The following PAN2 variants were observed in gnomAD, a reference collection of about 807,000 sequenced individuals.
The protein encoded by PAN2 is poly(A) specific ribonuclease subunit PAN2, also known as PAN2-PAN3 deadenylation complex catalytic subunit PAN2.
Under a neutral mutation model 133.3 loss-of-function variants are expected in PAN2, and 68 were observed. That is an observed-to-expected ratio of 0.51 (90% confidence interval 0.42 to 0.62). The LOEUF (loss-of-function observed/expected upper bound fraction) is 0.62, where lower values mean the gene tolerates loss of function less well. Ranked by LOEUF, PAN2 falls within the 20% of genes least tolerant of loss-of-function variation. The pLI is 0.00. For synonymous variants in PAN2, 462 were observed against 544.6 expected (o/e 0.85, Z 2.11); for missense variants, 1,042 against 1,500.5 (o/e 0.69, Z 5.05).
At chr12:56,330,353 CTT>C (rs10525866) in intron 2 of PAN2, among the ~76,000 whole-genome samples, 4 of 92,646 alleles carry the variant, frequency 4.3e-5, no homozygotes, top group Non-Finnish European at 5.8e-5. Context: ...CTGTATTTTT[CTT>C]TTTTTTTTTT....
chr12:56,321,717 G>C (rs1260361531), intron 20 of PAN2, among the ~76,000 whole-genome samples: 1 of 151,456 alleles, frequency 6.6e-6, no homozygotes, highest in African/African-American at 2.4e-5. Flanking sequence ...CGGGTGTGGT[G>C]GTGGGCGTCT....
chr12:56,323,939 C>T (rs772207179), intron 13 of PAN2, 26 bp from the exon 14 acceptor site: 14 of 1,604,384 alleles, frequency 8.7e-6, no homozygotes, highest in Non-Finnish European at 1.1e-5. Flanking sequence ...ATGCTATACT[C>T]CTGGTTCTCC....
chr12:56,325,207 G>C (rs1874977993), intron 9 of PAN2, 79 bp from the exon 10 acceptor site: 2 of 1,583,030 alleles, frequency 1.3e-6, no homozygotes, highest in Admixed American at 1.7e-5. Context: ...GCCTTTCCTA[G>C]AGCCTTCCTC....
At chr12:56,321,808 G>A (rs928022922) in intron 20 of PAN2, among the ~76,000 whole-genome samples, 2 of 150,254 alleles carry the variant, frequency 1.3e-5, no homozygotes, top group African/African-American at 4.9e-5. Flanking sequence ...CCGAGATTGC[G>A]CAATTGCACT....
At position 56,319,002 on chromosome 12, in the gene PAN2, T is replaced by G. The variant is rs1212167117; in HGVS notation, c.3364+86A>C. ...ATGATGGCCCACAGCTCCATCCATG[T>G]TGCCGCAAAGAACATGATTTCTTTT... is the stretch of plus-strand genomic sequence containing the variant. On this transcript the variant is annotated intron_variant, in intron 24 of 25. Coordinates refer to ENST00000440411, the MANE Select transcript of PAN2 (RefSeq NM_014871.6). The surrounding 1 kb of genome is among the most constrained non-coding windows in gnomAD (Gnocchi z 5.4). 1.1e-5 allele frequency: 14 copies of G among 1,300,270 alleles called. No homozygotes were observed. 80.5% of individuals were successfully genotyped at this position (1,300,270 alleles called of 1,614,324 possible).
rs185741202 is a variant in PAN2, at chr12:56,325,339, C to T, written c.1475G>A (p.Arg492His). The change falls in exon 9 of 26, where the codon CGC becomes CAC. Residue 492 changes from arginine (R) to histidine (H), a missense_variant. Coordinates refer to ENST00000440411, the MANE Select transcript of PAN2 (RefSeq NM_014871.6). ...GGCCCTGATGTCCCCCAGCACCTTG[C>T]GGTATTTCTTAGAAACCATGTGGAG... is the stretch of plus-strand genomic sequence containing the variant. ...PHLHMVSKKY[R>H]KVTIKYSKLG... 27 of 1,614,024 alleles carry T rather than the reference C, an allele frequency of 1.7e-5. No individual in the cohort carries two copies. The highest frequency in any genetic ancestry group is 4.5e-5 in the East Asian group (2 of 44,896).
intron 17 of PAN2, 49 bp from the exon 18 acceptor site, chr12:56,322,807 G>A (rs767865291): frequency 6.9e-6 from 11 of 1,585,986 alleles, no homozygotes; most frequent in Non-Finnish European, 9.4e-6. Context: ...GGATGGGGAA[G>A]GGAGGGGAAT....
At position 56,319,237 on chromosome 12, in the gene PAN2, C is replaced by T. The variant is rs985138362; in HGVS notation, c.3271-56G>A. 3.7e-6 allele frequency: 6 copies of T among 1,613,682 alleles called. No individual in the cohort carries two copies. In the African/African-American group the frequency reaches 8.0e-5, roughly 22 times the overall value. On this transcript the variant is annotated intron_variant, in intron 23 of 25. Coordinates refer to ENST00000440411, the MANE Select transcript of PAN2 (RefSeq NM_014871.6). The surrounding 1 kb of genome is among the most constrained non-coding windows in gnomAD (Gnocchi z 5.4). ...GGTAGGGGACCTATAATTCCCCATT[C>T]TCTAAAGGCACAATGTATACCCTGA...
At chr12:56,322,210 C>A in intron 19 of PAN2, 42 bp from the exon 20 acceptor site, 1 of 1,295,002 alleles carries the variant, frequency 7.7e-7, no homozygotes, top group Non-Finnish European at 1.1e-6. Context: ...GTATATCACC[C>A]TTTTCCTTTT....
intron 7 of PAN2, 70 bp downstream of exon 7, chr12:56,326,547 A>G (rs1875148355): frequency 6.6e-7 from 1 of 1,524,076 alleles, no homozygotes; most frequent in East Asian, 2.4e-5. Context: ...CAACAGGGCT[A>G]GCAGAGAATT....
At chr12:56,327,932 A>G (rs1875302783) in intron 5 of PAN2, 63 bp downstream of exon 5, 3 of 1,608,348 alleles carry the variant, frequency 1.9e-6, no homozygotes, top group African/African-American at 1.3e-5. Flanking sequence ...GGGAAAGCAG[A>G]TCGCAATCAG....
chr12:56,325,451 G>T lies in PAN2; in HGVS notation c.1363C>A (p.Pro455Thr), dbSNP rs1320734360. The T allele has an allele frequency of 6.2e-7, 1 of 1,613,888 alleles. No individual in the cohort carries two copies. The highest frequency in any genetic ancestry group is 8.5e-7 in the Non-Finnish European group (1 of 1,179,924). ...CTGTCTGACTCCTTGAGTCTGTAGG[G>T]TATCTAGGGATTTTAGGAAGAGGTA... ...NPRTRLRNQI[P>T]YRLKESDSEF... The change falls in exon 9 of 26, where the codon CCC (proline) becomes ACC (threonine). Residue 455 changes from proline (P) to threonine (T), a missense_variant. Around this residue, in one of 3 missense-constraint regions of PAN2, gnomAD observed 908 missense variants for 1,223.5 expected, o/e 0.74. Coordinates refer to ENST00000440411, the MANE Select transcript of PAN2 (RefSeq NM_014871.6).
intron 4 of PAN2, 28 bp downstream of exon 4, chr12:56,328,210 A>G (rs1387567230): frequency 2.5e-6 from 4 of 1,589,450 alleles, no homozygotes; most frequent in Non-Finnish European, 1.7e-6. Flanking sequence ...CAGACCCCAC[A>G]TAGGTCTTTC....
chr12:56,326,170 A>C (rs543274213), intron 8 of PAN2, 143 bp downstream of exon 8: 1 of 667,656 alleles, frequency 1.5e-6, no homozygotes, highest in East Asian at 2.9e-5. Context: ...CTATCTTTGA[A>C]TCCTCCCTAA....
intron 20 of PAN2, among the ~76,000 whole-genome samples, chr12:56,320,558 C>G (rs375424894): frequency 6.6e-6 from 1 of 150,736 alleles, no homozygotes; most frequent in Non-Finnish European, 1.5e-5. Context: ...GCAGGGGAAT[C>G]GCTTGAACCC....
intron 5 of PAN2, 28 bp downstream of exon 5, chr12:56,327,967 A>G (rs1054505790): frequency 1.2e-6 from 2 of 1,613,660 alleles, no homozygotes; most frequent in Admixed American, 1.7e-5. Context: ...AGGGCCCTGC[A>G]GTGGGAGGAG....
chr12:56,327,244 GACCCTGATGAAAGGTT>G, intron 6 of PAN2, 104 bp downstream of exon 6: 1 of 1,103,878 alleles, frequency 9.1e-7, no homozygotes, highest in East Asian at 2.4e-5. Flanking sequence ...AAAACCTTGG[GACCCTGATGAAAGGTT>G]ACTTCTTTCC....
rs761858294 is a variant in PAN2 at position 56,319,785 on chromosome 12, A to T, written c.2947-21T>A. 1.2e-6 allele frequency: 2 copies of T among 1,612,200 alleles called. No homozygotes were observed. The highest frequency in any genetic ancestry group is 1.7e-6 in the Non-Finnish European group (2 of 1,178,978). On this transcript the variant is annotated intron_variant, in intron 21 of 25. Transcript: ENST00000440411. The surrounding 1 kb of genome is among the most constrained non-coding windows in gnomAD (Gnocchi z 5.4). ...TCCTCCTACATGAGAAGAGTTAATA[A>T]GGAAATCAGAGAAATGCTTACAACT...
intron 7 of PAN2, 84 bp downstream of exon 7, chr12:56,326,533 A>C: frequency 1.3e-6 from 2 of 1,509,338 alleles, no homozygotes; most frequent in South Asian, 2.5e-5. Flanking sequence ...AAGTAGTAGA[A>C]TAACAACAGG....
Sources: gnomAD v4.1 joint callset for allele counts (sites outside exome capture counted in the v4.1 genomes callset) on GRCh38, gnomAD v4.1.1 for gene constraint, gnomAD v4.1.1 regional missense constraint, Gnocchi (gnomAD v3.1) non-coding constraint, MANE v1.5 for transcripts, NCBI Gene and HGNC (gene_info 2026-07-23, HGNC 2026-07-21) for gene names.